The following TRIM5 variants were observed in gnomAD, a reference collection of about 807,000 sequenced individuals.
TRIM5 encodes tripartite motif-containing protein 5.
In TRIM5, 31 loss-of-function variants were observed where a neutral mutation model predicts 35.6. That is an observed-to-expected ratio of 0.87 (90% CI 0.65 to 1.18). The LOEUF is 1.18. Among genes scored for constraint, TRIM5 ranks in the 50% most tolerant of loss-of-function variants. TRIM5 has a pLI of 0.00. For missense variants in TRIM5, 609 were observed against 591.6 expected, an observed-to-expected ratio of 1.03 and a Z score of -0.31; for synonymous variants, 243 against 215.6, an observed-to-expected ratio of 1.13 and a Z score of -1.11.
the TRIM5 span, among the ~76,000 whole-genome samples, chr11:5,593,032 T>G: frequency 6.6e-6 from 1 of 151,862 alleles, no homozygotes; most frequent in East Asian, 1.9e-4. Context: ...AATGCATTAA[T>G]TAGGTCCATG....
chr11:5,594,734 T>G, the TRIM5 span, among the ~76,000 whole-genome samples: 1 of 152,084 alleles, frequency 6.6e-6, no homozygotes, highest in Admixed American at 6.5e-5. Context: ...GGACTCTGGG[T>G]TGGGCTTCTC....
the TRIM5 span, among the ~76,000 whole-genome samples, chr11:5,623,706 G>A: frequency 5.1e-4 from 77 of 151,966 alleles, no homozygotes; most frequent in African/African-American, 1.8e-3. Context: ...TTCAAAAGCC[G>A]CAATTACTTT....
chr11:5,661,898 T>C (rs556007355), downstream of TRIM5, among the ~76,000 whole-genome samples: 2 of 152,342 alleles, frequency 1.3e-5, no homozygotes, highest in East Asian at 3.9e-4. Context: ...TCTTTATTGT[T>C]GTGTAACTGG....
At chr11:5,680,370 G>C (rs1852341444) in intron 1 of TRIM5, 132 bp from the exon 2 acceptor site, 2 of 573,468 alleles carry the variant, frequency 3.5e-6, no homozygotes, top group Admixed American at 3.4e-5. Flanking sequence ...AATAAGAAAA[G>C]GTGTTTGGTT....
chr11:5,680,202 T>G lies in TRIM5; in HGVS notation c.-25A>C. ...TAGTAGCTATTCCACTGCTCCTGCC[T>G]GTCCTGGCTGCTGAGGTTCCTCTTG... On this transcript the variant is annotated 5_prime_UTR_variant, in exon 2 of 8. Coordinates refer to ENST00000380034, the MANE Select transcript of TRIM5 (RefSeq NM_033034.3). 6.4e-7 allele frequency: 1 copy of G among 1,556,010 alleles called. No homozygotes were observed. The highest frequency in any genetic ancestry group is 8.7e-7 in the Non-Finnish European group (1 of 1,149,050).
At chr11:5,682,277 C>T (rs1233661496) in intron 1 of TRIM5, among the ~76,000 whole-genome samples, 1 of 152,092 alleles carries the variant, frequency 6.6e-6, no homozygotes, top group African/African-American at 2.4e-5. Context: ...GTGACAGGTG[C>T]CTGTAATCCC....
the TRIM5 span, among the ~76,000 whole-genome samples, chr11:5,609,688 T>C: frequency 1.3e-5 from 2 of 152,152 alleles, no homozygotes; most frequent in African/African-American, 2.4e-5. Context: ...TTTGGGAGGC[T>C]GAGGAGGGCA....
At chr11:5,615,585 TTTGTTG>T in the TRIM5 span, among the ~76,000 whole-genome samples, 50 of 96,694 alleles carry the variant, frequency 5.2e-4, no homozygotes, top group African/African-American at 1.3e-3. Context: ...TTGTTTTTTT[TTTGTTG>T]TTGTTGTTGT....
At chr11:5,598,256 C>G in the TRIM5 span, among the ~76,000 whole-genome samples, 1 of 152,170 alleles carries the variant, frequency 6.6e-6, no homozygotes, top group Non-Finnish European at 1.5e-5. Context: ...GCAGTCAGGG[C>G]TTGCTGGTGT....
At chr11:5,668,931 C>T (rs1489657411) in intron 4 of TRIM5, among the ~76,000 whole-genome samples, 2 of 152,150 alleles carry the variant, frequency 1.3e-5, no homozygotes, top group African/African-American at 2.4e-5. Flanking sequence ...GGACCAACAA[C>T]TAAGAATTTT....
chr11:5,678,225 C>G lies in TRIM5; in HGVS notation c.723G>C (p.Gly241=). ...TTACCTGAAGCAGCTCCATCACTGA[C>G]CCCTGCAGCCGATGCTCCAGATCTG... is the stretch of plus-strand genomic sequence containing the variant. ...LISDLEHRLQ[G]SVMELLQGVD... The change falls in exon 4 of 8, where the codon GGG becomes GGC. Residue 241 remains glycine (G), a synonymous_variant. Coordinates refer to ENST00000380034, the MANE Select transcript of TRIM5 (RefSeq NM_033034.3). 6.2e-7 allele frequency: 1 copy of G among 1,612,928 alleles called. No homozygotes were observed.
chr11:5,672,493 G>A (rs1302594065), intron 4 of TRIM5, among the ~76,000 whole-genome samples: 1 of 152,112 alleles, frequency 6.6e-6, no homozygotes, highest in East Asian at 1.9e-4. Flanking sequence ...TTACAGGTGT[G>A]AGCCCCTGCA....
chr11:5,594,605 A>C, the TRIM5 span, among the ~76,000 whole-genome samples: 1 of 152,076 alleles, frequency 6.6e-6, no homozygotes, highest in Non-Finnish European at 1.5e-5. Context: ...ATGCCCAGCC[A>C]ACATCCTTTT....
At chr11:5,667,655 C>A in intron 5 of TRIM5, 34 bp downstream of exon 5, 2 of 1,611,254 alleles carry the variant, frequency 1.2e-6, no homozygotes, top group South Asian at 1.1e-5. Context: ...CTCCTCACTG[C>A]ACAAAAGGAC....
At chr11:5,675,489 A>G (rs559755805) in intron 4 of TRIM5, among the ~76,000 whole-genome samples, 2 of 152,084 alleles carry the variant, frequency 1.3e-5, no homozygotes, top group African/African-American at 2.4e-5. Context: ...AAGCCAATGT[A>G]TGAGTAAGCT....
the TRIM5 span, among the ~76,000 whole-genome samples, chr11:5,641,505 TG>T: frequency 6.6e-5 from 10 of 152,320 alleles, no homozygotes; most frequent in South Asian, 2.1e-3. Context: ...CATCCAGCCC[TG>T]GATCTTTTAT....
chr11:5,658,128 G>A, the TRIM5 span, among the ~76,000 whole-genome samples: 2 of 152,128 alleles, frequency 1.3e-5, no homozygotes, highest in East Asian at 3.9e-4. Flanking sequence ...ACCCTGGCCT[G>A]CTATGCCCCC....
the TRIM5 span, among the ~76,000 whole-genome samples, chr11:5,625,259 TAAAGAGGCAGA>T: frequency 6.6e-6 from 1 of 152,186 alleles, no homozygotes; most frequent in African/African-American, 2.4e-5. Context: ...AAAGCAGTGT[TAAAGAGGCAGA>T]AGGCCGCCTT....
intron 4 of TRIM5, among the ~76,000 whole-genome samples, chr11:5,675,328 T>C (rs539323472): frequency 3.3e-5 from 5 of 151,774 alleles, no homozygotes; most frequent in African/African-American, 4.8e-5. Context: ...GAGAGAGGGG[T>C]AGACACATCC....
Sources: gnomAD v4.1 joint callset for allele counts (sites outside exome capture counted in the v4.1 genomes callset) on GRCh38, gnomAD v4.1.1 for gene constraint, MANE v1.5 for transcripts, NCBI Gene and HGNC (gene_info 2026-07-23, HGNC 2026-07-21) for gene names.